The following TMEM63C variants were observed in gnomAD, a reference collection of about 807,000 sequenced individuals.
The protein encoded by TMEM63C is osmosensitive cation channel TMEM63C.
Under a neutral mutation model 99.2 loss-of-function variants are expected in TMEM63C, and 32 were observed. The observed-to-expected ratio is 0.32, with a 90% confidence interval of 0.24 to 0.43. The LOEUF is 0.43. TMEM63C is among the 20% of genes least tolerant of loss of function. The probability of loss-of-function intolerance (pLI) is 1.00; values close to 1 mark genes in which losing one functional copy is unlikely to be tolerated. For synonymous variants in TMEM63C, 376 were observed against 397.9 expected (o/e 0.94, Z 0.66); for missense variants, 826 against 1,053.0 (o/e 0.78, Z 2.98).
intron 1 of TMEM63C, chr14:77,212,264 T>C (rs1594854965): frequency 1.3e-5 from 2 of 152,254 alleles, no homozygotes; most frequent in South Asian, 4.1e-4. Flanking sequence ...ATATGGGAAC[T>C]GAGGCTGAGA....
intron 18 of TMEM63C, among the ~76,000 whole-genome samples, chr14:77,247,237 G>T (rs8006676): frequency 0.17 from 25,720 of 151,790 alleles, 2,605 homozygotes; most frequent in African/African-American, 0.29. Context: ...GTCTCATTCT[G>T]TCGCCCAGGC....
intron 5 of TMEM63C, 87 bp downstream of exon 5, chr14:77,220,174 C>A: frequency 1.5e-6 from 2 of 1,301,648 alleles, no homozygotes; most frequent in Non-Finnish European, 2.1e-6. Flanking sequence ...CGGCTTAGAC[C>A]TTGGGGCTTT....
At chr14:77,223,949 T>C (rs1226715267) in intron 5 of TMEM63C, among the ~76,000 whole-genome samples, 1 of 152,134 alleles carries the variant, frequency 6.6e-6, no homozygotes, top group Non-Finnish European at 1.5e-5. Flanking sequence ...GAGGGGTGGC[T>C]GGACCTCTCT....
chr14:77,244,432 C>T lies in TMEM63C; in HGVS notation c.1425C>T (p.Ala475=). Residue 475 remains alanine (A), a synonymous_variant, in exon 16 of 24, where the codon GCC becomes GCT. Coordinates refer to ENST00000298351, the MANE Select transcript of TMEM63C (RefSeq NM_020431.4). ...VILPLIVYFS[A]FLEAHWTRSS... The stretch of plus-strand genomic sequence containing the variant: ...TGCCTCTGATTGTCTACTTCTCCGC[C>T]TTCCTCGAGGCCCACTGGACCAGGT... 6.2e-7 allele frequency: 1 copy of T among 1,613,950 alleles called. No homozygotes were observed.
chr14:77,186,224 G>C (rs1887992285), intron 1 of TMEM63C, among the ~76,000 whole-genome samples: 1 of 152,052 alleles, frequency 6.6e-6, no homozygotes, highest in Admixed American at 6.5e-5. Flanking sequence ...TGTTGGCCAG[G>C]CTAGTCTCAA....
At chr14:77,206,524 CAG>C (rs985349820) in intron 1 of TMEM63C, among the ~76,000 whole-genome samples, 2 of 152,212 alleles carry the variant, frequency 1.3e-5, no homozygotes, top group Non-Finnish European at 2.9e-5. Context: ...CAGGCCCTGA[CAG>C]GGGAGAGAGA....
rs1000875334 is a variant in TMEM63C at position 77,257,387 on chromosome 14, G to A, written c.*661G>A. 1 of 152,318 alleles carries A rather than the reference G, an allele frequency of 6.6e-6. No homozygotes were observed. The highest frequency in any genetic ancestry group is 2.4e-5 in the African/African-American group (1 of 41,464). The allele number at this position is 152,318 out of a possible 1,614,324, so 9.4% of individuals were successfully genotyped here. A position where few individuals can be genotyped will look rare whatever the true frequency, so the allele number is the denominator to read the frequency against. On this transcript the variant is annotated 3_prime_UTR_variant, in exon 24 of 24. Coordinates refer to ENST00000298351, the MANE Select transcript of TMEM63C (RefSeq NM_020431.4). ...TCATCAGATGTCCCCAGGAGCAGCA[G>A]GGCAGAGGCCCTTCTTTCTATTCTT... is the stretch of plus-strand genomic sequence containing the variant.
intron 1 of TMEM63C, among the ~76,000 whole-genome samples, chr14:77,199,852 C>T (rs971103772): frequency 6.6e-6 from 1 of 152,164 alleles, no homozygotes; most frequent in Non-Finnish European, 1.5e-5. Flanking sequence ...ATGAGCCGGG[C>T]CCACTCAGAC....
At chr14:77,199,208 G>A (rs528986387) in intron 1 of TMEM63C, among the ~76,000 whole-genome samples, 75 of 152,148 alleles carry the variant, frequency 4.9e-4, no homozygotes, top group Non-Finnish European at 9.0e-4. Flanking sequence ...GCTCCCCTTG[G>A]GGATTCCTGA....
At chr14:77,247,620 AAGC>A (rs1354637087) in intron 18 of TMEM63C, among the ~76,000 whole-genome samples, 1 of 152,238 alleles carries the variant, frequency 6.6e-6, no homozygotes, top group Non-Finnish European at 1.5e-5. Flanking sequence ...ATCATTGACA[AAGC>A]AACATGCAGA....
chr14:77,222,812 T>C (rs917486008), intron 5 of TMEM63C, among the ~76,000 whole-genome samples: 3 of 152,192 alleles, frequency 2.0e-5, no homozygotes, highest in Admixed American at 1.3e-4. Context: ...AGATCTCTTG[T>C]TATATAGCCA....
intron 7 of TMEM63C, 131 bp downstream of exon 7, chr14:77,231,861 A>G: frequency 9.5e-7 from 1 of 1,056,308 alleles, no homozygotes; most frequent in African/African-American, 1.6e-5. Context: ...TGTTGTGTGA[A>G]CTTGAACAAA....
chr14:77,193,502 C>T (rs149574802), intron 1 of TMEM63C, among the ~76,000 whole-genome samples: 2 of 152,044 alleles, frequency 1.3e-5, no homozygotes, highest in East Asian at 3.9e-4. Flanking sequence ...TTGAGACCAG[C>T]CTAGGCAACA....
In TMEM63C at chr14:77,248,794, C is replaced by A. The variant is rs551699396; in HGVS notation, c.1792C>A (p.Arg598Ser). ...KNQAIDFQFG[R>S]EYAWMMNVFS... is the part of the protein sequence containing the mutation. ...CCAGGCCATAGACTTCCAGTTTGGGCGTGAGTATGCGTGGATGATGAACGT... is the reference window on the plus strand; with the variant it reads ...CCAGGCCATAGACTTCCAGTTTGGGAGTGAGTATGCGTGGATGATGAACGT... The change falls in exon 20 of 24, where the codon CGT (arginine) becomes AGT (serine). Residue 598 changes from arginine to serine, a missense_variant. By Grantham distance (110) the Arg-to-Ser change is moderately radical. Transcript: ENST00000298351. The A allele has an allele frequency of 5.0e-6, 8 of 1,614,004 alleles. No individual in the cohort carries two copies. Among genetic ancestry groups the A allele is most frequent in the Non-Finnish European group, 5.9e-6 (7 of 1,179,886 alleles).
intron 1 of TMEM63C, among the ~76,000 whole-genome samples, chr14:77,191,426 T>C: frequency 6.6e-6 from 1 of 152,158 alleles, no homozygotes; most frequent in African/African-American, 2.4e-5. Context: ...TAATGTATAT[T>C]CTGCTGCTGT....
Position 77,257,761 on chromosome 14 carries a change from C to T in TMEM63C, c.*1035C>T, listed in dbSNP as rs1421122264. ...TGCTTCAAACTTAAGGACTGACCAT[C>T]ACCTGCGTCCCAAGTAGGACCCTTC... On this transcript the variant is annotated 3_prime_UTR_variant, in exon 24 of 24. Transcript: ENST00000298351. The T allele has an allele frequency of 6.6e-6, 1 of 152,330 alleles. No homozygotes were observed. Among genetic ancestry groups the T allele is most frequent in the African/African-American group, 2.4e-5 (1 of 41,452 alleles). 9.4% of individuals were successfully genotyped at this position (152,330 alleles called of 1,614,324 possible).
chr14:77,190,848 T>G (rs1285609782), intron 1 of TMEM63C, among the ~76,000 whole-genome samples: 3 of 152,218 alleles, frequency 2.0e-5, no homozygotes, highest in Non-Finnish European at 4.4e-5. Context: ...AGAATAATCA[T>G]GACTGTAATT....
At chr14:77,205,353 C>T (rs1191965213) in intron 1 of TMEM63C, among the ~76,000 whole-genome samples, 1 of 152,204 alleles carries the variant, frequency 6.6e-6, no homozygotes, top group Non-Finnish European at 1.5e-5. Context: ...CATCTGTGAG[C>T]CCTTCTCACA....
At chr14:77,201,332 CAG>C (rs556182465) in intron 1 of TMEM63C, among the ~76,000 whole-genome samples, 117 of 152,346 alleles carry the variant, frequency 7.7e-4, no homozygotes, top group African/African-American at 2.3e-3. Flanking sequence ...GTTCAGGGAA[CAG>C]AGTCTGGACT....
Sources: allele counts gnomAD v4.1 joint callset (sites outside exome capture counted in the v4.1 genomes callset), GRCh38; gene constraint gnomAD v4.1.1; transcripts MANE v1.5; gene names NCBI Gene and HGNC (gene_info 2026-07-23, HGNC 2026-07-21).